Variants in SNX13 observed in about 807,000 individuals in gnomAD.
The protein encoded by SNX13 is sorting nexin 13.
Under a neutral mutation model 133.6 loss-of-function variants are expected in SNX13, and 45 were observed. That is an observed-to-expected ratio of 0.34 (90% CI 0.27 to 0.43). SNX13 has a LOEUF of 0.43. Ranked by LOEUF, SNX13 falls within the 20% of genes least tolerant of loss-of-function variation. The pLI is 1.00. For synonymous variants in SNX13, 414 were observed against 373.9 expected (o/e 1.11, Z -1.24); for missense variants, 1,032 against 1,145.1 (o/e 0.90, Z 1.43).
chr7:17,817,121 A>G (rs1562691655), intron 18 of SNX13, among the ~76,000 whole-genome samples: 1 of 152,256 alleles, frequency 6.6e-6, no homozygotes, highest in Non-Finnish European at 1.5e-5. Context: ...CAGTCAGCAT[A>G]TACTTTATCT....
chr7:17,890,477 T>C lies in SNX13; in HGVS notation c.326A>G (p.Gln109Arg). The C allele has an allele frequency of 6.3e-7, 1 of 1,578,146 alleles. No individual in the cohort carries two copies. The highest frequency in any genetic ancestry group is 8.6e-7 in the Non-Finnish European group (1 of 1,163,154). The change falls in exon 5 of 26, where the codon CAG becomes CGG. Residue 109 changes from glutamine to arginine, a missense_variant. Physicochemically the swap from Gln to Arg is conservative, Grantham distance 43. Coordinates refer to ENST00000428135, the MANE Select transcript of SNX13 (RefSeq NM_015132.5). Reference protein sequence around the residue: ...IIDEPLQQVIQFSLRDYVQYW... With the variant: ...IIDEPLQQVIRFSLRDYVQYW... ...CTGGACATAATCCCTCAAGGAAAACTGGATAACCTATAACAAAAATATTGG... is the reference window on the plus strand; with the variant it reads ...CTGGACATAATCCCTCAAGGAAAACCGGATAACCTATAACAAAAATATTGG...
intron 17 of SNX13, among the ~76,000 whole-genome samples, chr7:17,822,521 C>T (rs960745506): frequency 6.6e-6 from 1 of 151,780 alleles, no homozygotes; most frequent in Non-Finnish European, 1.5e-5. Context: ...ACTGTTTATT[C>T]TTGTCTTAGT....
intron 18 of SNX13, among the ~76,000 whole-genome samples, chr7:17,817,031 T>A (rs1273668314): frequency 6.6e-6 from 1 of 152,238 alleles, no homozygotes; most frequent in East Asian, 1.9e-4. Context: ...TACACAATTA[T>A]AATAAATATT....
In SNX13 at chr7:17,940,313, G is replaced by C; in HGVS notation, c.-18C>G. ...GTTAACATTATTACACCCCGGGGAA[G>C]TGAGGTCCTCCCTAGCCTCGCCTCA... On this transcript the variant is annotated 5_prime_UTR_variant, in exon 1 of 26. Coordinates refer to ENST00000428135, the MANE Select transcript of SNX13 (RefSeq NM_015132.5). The C allele has an allele frequency of 1.3e-6, 2 of 1,565,374 alleles. No homozygotes were observed. The highest frequency in any genetic ancestry group is 1.7e-6 in the Non-Finnish European group (2 of 1,154,994).
intron 20 of SNX13, among the ~76,000 whole-genome samples, chr7:17,805,262 C>T (rs968336906): frequency 1.9e-3 from 218 of 115,918 alleles, no homozygotes; most frequent in African/African-American, 4.7e-3. Context: ...CGTGCGCGCG[C>T]GCGCATGCAT....
In SNX13 at chr7:17,792,573, G is replaced by C. The variant is rs953656969; in HGVS notation, c.*1472C>G. On this transcript the variant is annotated 3_prime_UTR_variant, in exon 26 of 26. Transcript: ENST00000428135. ...CAATCTTAAAGCTCCCAAATAACTGGGATACCAATACTCTGTCCCTTTATC... is the reference window on the plus strand; with the variant it reads ...CAATCTTAAAGCTCCCAAATAACTGCGATACCAATACTCTGTCCCTTTATC... The C allele has an allele frequency of 3.9e-5, 6 of 152,132 alleles. No homozygotes were observed. Among genetic ancestry groups the C allele is most frequent in the Non-Finnish European group, 7.4e-5 (5 of 67,858 alleles). The allele number at this position is 152,132 out of a possible 1,614,324, so 9.4% of individuals were successfully genotyped here.
At chr7:17,830,660 A>C in intron 15 of SNX13, 1 of 983,398 alleles carries the variant, frequency 1.0e-6, no homozygotes, top group Non-Finnish European at 1.2e-6. Context: ...GTGAGAGAAT[A>C]AGTCAATGCT....
At chr7:17,811,850 A>G (rs553755909) in intron 20 of SNX13, among the ~76,000 whole-genome samples, 2 of 152,330 alleles carry the variant, frequency 1.3e-5, no homozygotes, top group African/African-American at 4.8e-5. Flanking sequence ...CCATACATCT[A>G]CAACCATCTG....
intron 9 of SNX13, among the ~76,000 whole-genome samples, chr7:17,868,130 T>C (rs955536179): frequency 1.1e-4 from 16 of 152,188 alleles, no homozygotes; most frequent in African/African-American, 3.4e-4. Context: ...ATACTCATCA[T>C]CTATAGACAC....
intron 5 of SNX13, 50 bp downstream of exon 5, chr7:17,890,313 C>A (rs754731435): frequency 3.8e-6 from 6 of 1,578,246 alleles, no homozygotes; most frequent in Non-Finnish European, 5.2e-6. Flanking sequence ...CTTACTGGTA[C>A]AAACCATACA....
intron 13 of SNX13, among the ~76,000 whole-genome samples, chr7:17,835,294 T>C (rs1352952859): frequency 1.3e-5 from 2 of 151,960 alleles, no homozygotes; most frequent in African/African-American, 4.8e-5. Flanking sequence ...AGATGTGTAT[T>C]AATATGACTG....
chr7:17,850,908 G>T lies in SNX13; in HGVS notation c.894C>A (p.Asp298Glu). Reference protein sequence around the residue: ...EAFMNIIKLSDNIGELEAVRD... With the variant: ...EAFMNIIKLSENIGELEAVRD... ...TGACTGCTTCTAGCTCTCCAATATTGTCACTCAATTTAATAATGTTCATAA... is the reference window on the plus strand; with the variant it reads ...TGACTGCTTCTAGCTCTCCAATATTTTCACTCAATTTAATAATGTTCATAA... The change falls in exon 10 of 26, where the codon GAC (aspartate) becomes GAA (glutamate). Residue 298 changes from aspartate (D) to glutamate (E), a missense_variant. Physicochemically the swap from Asp to Glu is conservative, Grantham distance 45 (BLOSUM62 2). Coordinates refer to ENST00000428135, the MANE Select transcript of SNX13 (RefSeq NM_015132.5). The T allele has an allele frequency of 6.2e-7, 1 of 1,611,814 alleles. No homozygotes were observed. The highest frequency in any genetic ancestry group is 8.5e-7 in the Non-Finnish European group (1 of 1,179,142).
chr7:17,914,737 A>G (rs922477422), intron 1 of SNX13, among the ~76,000 whole-genome samples: 19 of 152,232 alleles, frequency 1.2e-4, no homozygotes, highest in Admixed American at 6.5e-4. Flanking sequence ...TCTAAACATG[A>G]AAACAAAATA....
chr7:17,884,367 G>A (rs746960914), intron 5 of SNX13, among the ~76,000 whole-genome samples: 1 of 152,124 alleles, frequency 6.6e-6, no homozygotes, highest in Non-Finnish European at 1.5e-5. Context: ...GAAACATTTG[G>A]TTGTCAGTAA....
chr7:17,842,569 T>C (rs1790023055), intron 12 of SNX13, among the ~76,000 whole-genome samples: 1 of 152,038 alleles, frequency 6.6e-6, no homozygotes. Context: ...AAGCTAGTAT[T>C]ATTAACAATG....
At chr7:17,917,525 C>G (rs1160078995) in intron 1 of SNX13, among the ~76,000 whole-genome samples, 2 of 151,926 alleles carry the variant, frequency 1.3e-5, no homozygotes, top group African/African-American at 4.8e-5. Context: ...AAAACCAAAT[C>G]AAGAACACAA....
At chr7:17,880,291 C>T (rs542037510) in intron 5 of SNX13, 13 of 152,258 alleles carry the variant, frequency 8.5e-5, no homozygotes, top group Admixed American at 4.6e-4. Context: ...TCACTTAATT[C>T]AATTACACTC....
rs1026346800 is a variant in SNX13 at position 17,834,694 on chromosome 7, AATTAC to A, written c.1464+62_1464+66del. 5.2e-5 allele frequency: 55 copies of A among 1,054,244 alleles called. No individual in the cohort carries two copies. The African/African-American group carries it at 8.4e-4, about 16-fold the overall frequency. 65.3% of individuals were successfully genotyped at this position (1,054,244 alleles called of 1,614,324 possible). ...TACTTTTAGAAAGTTTTTAAAAACT[AATTAC>A]ATTACATAAAAGTATTTTTTCTCAA... On this transcript the variant is annotated intron_variant, in intron 14 of 25. Transcript: ENST00000428135.
chr7:17,922,786 A>T (rs1255455205), intron 1 of SNX13, among the ~76,000 whole-genome samples: 1 of 152,248 alleles, frequency 6.6e-6, no homozygotes, highest in Non-Finnish European at 1.5e-5. Context: ...AAAATTATCA[A>T]GGCAGAAAAA....
Sources: allele counts gnomAD v4.1 joint callset (sites outside exome capture counted in the v4.1 genomes callset), GRCh38; gene constraint gnomAD v4.1.1; transcripts MANE v1.5; gene names NCBI Gene and HGNC (gene_info 2026-07-23, HGNC 2026-07-21).